FCHSD2: variants seen among roughly 807,000 people sequenced by gnomAD.
FCHSD2 encodes the protein FCH and double SH3 domains 2.
Under a neutral mutation model 108.1 loss-of-function variants are expected in FCHSD2, and 38 were observed. The observed-to-expected ratio is 0.35, with a 90% CI of 0.27 to 0.46. FCHSD2 has a LOEUF of 0.46. Among genes scored for constraint, FCHSD2 ranks in the 20% least tolerant of loss-of-function variants. The probability of loss-of-function intolerance (pLI) is 1.00; values close to 1 mark genes in which losing one functional copy is unlikely to be tolerated. For missense variants in FCHSD2, 751 were observed against 897.8 expected (o/e 0.84, Z 2.09); for synonymous variants, 279 against 314.7 (o/e 0.89, Z 1.20).
intron 3 of FCHSD2, among the ~76,000 whole-genome samples, chr11:73,033,454 G>A (rs1057219245): frequency 2.0e-5 from 3 of 151,976 alleles, no homozygotes; most frequent in Admixed American, 6.6e-5. Context: ...ACAGAAACAG[G>A]TAATCTCTAA....
intron 10 of FCHSD2, among the ~76,000 whole-genome samples, chr11:72,899,734 T>TA (rs1378735790): frequency 4.7e-3 from 6 of 1,280 alleles, no homozygotes; most frequent in Non-Finnish European, 0.012. Flanking sequence ...AGACCCTATC[T>TA]TAAAAAAAAA....
intron 12 of FCHSD2, among the ~76,000 whole-genome samples, chr11:72,872,182 A>G (rs1406784691): frequency 6.6e-6 from 1 of 152,092 alleles, no homozygotes; most frequent in African/African-American, 2.4e-5. Flanking sequence ...ATACTCTTGC[A>G]AAAATCTGCT....
intron 8 of FCHSD2, among the ~76,000 whole-genome samples, chr11:72,946,338 T>C (rs1008594791): frequency 1.7e-4 from 24 of 142,396 alleles, no homozygotes; most frequent in African/African-American, 4.2e-4. Flanking sequence ...TAGGTGGGAA[T>C]TGAACAATGA....
chr11:73,035,784 G>A (rs372694728), intron 3 of FCHSD2, among the ~76,000 whole-genome samples: 31 of 151,608 alleles, frequency 2.0e-4, no homozygotes, highest in African/African-American at 5.8e-4. Flanking sequence ...ACAGTGGCGC[G>A]ATCTTGGCTC....
intron 2 of FCHSD2, among the ~76,000 whole-genome samples, chr11:73,134,207 A>G (rs970904071): frequency 6.6e-6 from 1 of 152,158 alleles, no homozygotes; most frequent in Non-Finnish European, 1.5e-5. Context: ...ACAGTGGCTC[A>G]TGCCTGTAAC....
intron 8 of FCHSD2, among the ~76,000 whole-genome samples, chr11:72,958,993 ATGTGTGTGTGTG>A (rs59339008): frequency 1.4e-4 from 16 of 114,878 alleles, no homozygotes; most frequent in South Asian, 3.8e-4. Flanking sequence ...TCAGTAAGAT[ATGTGTGTGTGTG>A]TGTGTGTGTG....
intron 2 of FCHSD2, among the ~76,000 whole-genome samples, chr11:73,099,515 A>G (rs988621341): frequency 6.6e-5 from 10 of 152,236 alleles, no homozygotes; most frequent in African/African-American, 1.9e-4. Flanking sequence ...AGCATTACTC[A>G]TAACAGTCAA....
intron 3 of FCHSD2, among the ~76,000 whole-genome samples, chr11:73,051,868 AACACACACACAC>A (rs61511109): frequency 0.071 from 10,019 of 141,780 alleles, 460 homozygotes; most frequent in South Asian, 0.13. Flanking sequence ...ACGGTATATA[AACACACACACAC>A]ACACACACAC....
chr11:73,091,415 G>A (rs948961133), intron 2 of FCHSD2, among the ~76,000 whole-genome samples: 10 of 151,926 alleles, frequency 6.6e-5, no homozygotes, highest in African/African-American at 2.2e-4. Flanking sequence ...CAGGTGTGGT[G>A]GTGGGTGCCT....
At chr11:73,026,108 G>A (rs1275626754) in intron 3 of FCHSD2, among the ~76,000 whole-genome samples, 3 of 151,940 alleles carry the variant, frequency 2.0e-5, no homozygotes. Context: ...AGAGTAGTTG[G>A]GACTACAGGT....
intron 6 of FCHSD2, among the ~76,000 whole-genome samples, chr11:72,987,928 C>T (rs1188530497): frequency 6.6e-6 from 1 of 152,104 alleles, no homozygotes; most frequent in African/African-American, 2.4e-5. Context: ...TAGGTTCAAA[C>T]AATAAAACAA....
Position 72,838,117 on chromosome 11 carries a change from T to C in FCHSD2, c.*674A>G, listed in dbSNP as rs1008707409. 1 of 152,260 alleles carries C rather than the reference T, an allele frequency of 6.6e-6. No individual in the cohort carries two copies. Among genetic ancestry groups the C allele is most frequent in the African/African-American group, 2.4e-5 (1 of 41,460 alleles). The allele number at this position is 152,260 out of a possible 1,614,324, so 9.4% of individuals were successfully genotyped here. On this transcript the variant is annotated 3_prime_UTR_variant, in exon 20 of 20. Coordinates refer to ENST00000409418, the MANE Select transcript of FCHSD2 (RefSeq NM_014824.3). ...TGTGGCTACTAGTTCAGCCCCTCCATATTAGCTCTGCTAATTCTAAATGAA... is the reference window on the plus strand; with the variant it reads ...TGTGGCTACTAGTTCAGCCCCTCCACATTAGCTCTGCTAATTCTAAATGAA...
intron 2 of FCHSD2, among the ~76,000 whole-genome samples, chr11:73,112,205 T>C (rs75829877): frequency 0.025 from 3,744 of 152,286 alleles, 148 homozygotes; most frequent in African/African-American, 0.086. Context: ...CAGCTTTTGT[T>C]TGTCTGGAAA....
intron 8 of FCHSD2, among the ~76,000 whole-genome samples, chr11:72,929,539 G>A (rs1241760819): frequency 6.6e-6 from 1 of 152,138 alleles, no homozygotes; most frequent in African/African-American, 2.4e-5. Flanking sequence ...CACGGGAAGT[G>A]GATGATAACC....
chr11:72,957,748 G>T (rs1487405174), intron 8 of FCHSD2, among the ~76,000 whole-genome samples: 1 of 151,754 alleles, frequency 6.6e-6, no homozygotes, highest in Non-Finnish European at 1.5e-5. Flanking sequence ...AGGTGAGGAG[G>T]CATTATGTTC....
intron 3 of FCHSD2, among the ~76,000 whole-genome samples, chr11:73,022,167 T>C (rs923534546): frequency 2.0e-5 from 3 of 152,084 alleles, no homozygotes; most frequent in Non-Finnish European, 4.4e-5. Flanking sequence ...CACCATACTT[T>C]TAATGGTGAG....
At chr11:73,000,344 T>C (rs1298206437) in intron 5 of FCHSD2, among the ~76,000 whole-genome samples, 1 of 152,164 alleles carries the variant, frequency 6.6e-6, no homozygotes, top group African/African-American at 2.4e-5. Flanking sequence ...ATAATCTCAA[T>C]TTTTGTAACT....
At chr11:73,080,156 G>A (rs1233531719) in intron 3 of FCHSD2, among the ~76,000 whole-genome samples, 2 of 151,748 alleles carry the variant, frequency 1.3e-5, no homozygotes, top group African/African-American at 2.4e-5. Context: ...TACTAGACGG[G>A]TATGGTGGCA....
chr11:72,845,396 C>T (rs916102699), intron 14 of FCHSD2, among the ~76,000 whole-genome samples: 2 of 146,596 alleles, frequency 1.4e-5, no homozygotes, highest in East Asian at 2.0e-4. Context: ...CGAGATCACA[C>T]CACTGCACTC....
Sources: allele counts gnomAD v4.1 joint callset (sites outside exome capture counted in the v4.1 genomes callset), GRCh38; gene constraint gnomAD v4.1.1; transcripts MANE v1.5; gene names NCBI Gene and HGNC (gene_info 2026-07-23, HGNC 2026-07-21).